The following PLPP4 variants were observed in gnomAD, a reference collection of about 807,000 sequenced individuals.
PLPP4 encodes the protein diacylglycerol pyrophosphate like 2.
Under a neutral mutation model 32.2 loss-of-function variants are expected in PLPP4, and 20 were observed. The ratio of observed to expected loss-of-function variants is 0.62; its 90% CI spans 0.44 to 0.90. The LOEUF (loss-of-function observed/expected upper bound fraction) is 0.90, where lower values mean the gene tolerates loss of function less well. Among genes scored for constraint, PLPP4 ranks in the 40% least tolerant of loss-of-function variants. PLPP4 has a pLI of 0.00. For synonymous variants in PLPP4, 127 were observed against 133.0 expected (o/e 0.95, Z 0.31); for missense variants, 257 against 353.1 (o/e 0.73, Z 2.18).
intron 2 of PLPP4, among the ~76,000 whole-genome samples, chr10:120,511,860 G>A (rs1430584996): frequency 1.3e-4 from 20 of 152,118 alleles, no homozygotes; most frequent in Non-Finnish European, 1.8e-4. Context: ...TTGGGAGGCC[G>A]AGGTGGCGGA....
chr10:120,575,663 C>G (rs1444401774), intron 6 of PLPP4, among the ~76,000 whole-genome samples: 1 of 152,070 alleles, frequency 6.6e-6, no homozygotes, highest in East Asian at 1.9e-4. Context: ...TTTTGGCTTC[C>G]TTTGCTTATC....
intron 2 of PLPP4, among the ~76,000 whole-genome samples, chr10:120,508,482 G>A (rs1483220213): frequency 6.6e-6 from 1 of 152,202 alleles, no homozygotes; most frequent in Non-Finnish European, 1.5e-5. Context: ...CATCGAGGCT[G>A]CTCTGGCTTC....
chr10:120,536,225 C>T lies in PLPP4; in HGVS notation c.445+15130C>T, dbSNP rs142523405. On this transcript the variant is annotated intron_variant, in intron 5 of 6. Transcript: ENST00000398250. Reference sequence around the variant, plus strand: ...AGTTTTGCATGAAAAGACAGAAGACCCCAGATAGGTAAATCAATCTTGAGC... The same window carrying T: ...AGTTTTGCATGAAAAGACAGAAGACTCCAGATAGGTAAATCAATCTTGAGC... Among the ~76,000 whole-genome samples, 461 of 151,840 alleles carry T rather than the reference C, an allele frequency of 3.0e-3. 2 individuals are homozygous for T. The highest frequency in any genetic ancestry group is 0.011 in the African/African-American group (439 of 41,440).
chr10:120,496,773 T>C (rs574120335), intron 1 of PLPP4, among the ~76,000 whole-genome samples: 8 of 152,264 alleles, frequency 5.3e-5, no homozygotes, highest in Admixed American at 3.9e-4. Context: ...CCCTCCTGTG[T>C]CCTTTCTATA....
chr10:120,482,277 G>A (rs969890234), intron 1 of PLPP4, among the ~76,000 whole-genome samples: 2 of 152,160 alleles, frequency 1.3e-5, no homozygotes, highest in African/African-American at 4.8e-5. Flanking sequence ...CTAGAGTCTT[G>A]TTGTATCGTT....
chr10:120,530,626 A>G (rs940101466), intron 5 of PLPP4, among the ~76,000 whole-genome samples: 6 of 152,212 alleles, frequency 3.9e-5, no homozygotes, highest in Admixed American at 1.3e-4. Flanking sequence ...TTTGTGTGCA[A>G]TTGTTTAGTG....
chr10:120,484,782 C>T (rs186076274), intron 1 of PLPP4, among the ~76,000 whole-genome samples: 99 of 152,234 alleles, frequency 6.5e-4, no homozygotes, highest in African/African-American at 1.7e-3. Context: ...AGCCTGTGAA[C>T]GTATAACCTT....
chr10:120,530,311 C>T (rs1846643098), intron 5 of PLPP4, among the ~76,000 whole-genome samples: 2 of 152,144 alleles, frequency 1.3e-5, no homozygotes, highest in Admixed American at 6.5e-5. Context: ...ATGAGGCAGC[C>T]ACTGTTCAGG....
At chr10:120,547,784 G>A (rs1847703530) in intron 5 of PLPP4, among the ~76,000 whole-genome samples, 1 of 152,180 alleles carries the variant, frequency 6.6e-6, no homozygotes, top group African/African-American at 2.4e-5. Flanking sequence ...CATTGGAATA[G>A]TGGGAAGTTC....
chr10:120,543,524 A>G (rs902456928), intron 5 of PLPP4, among the ~76,000 whole-genome samples: 1 of 152,178 alleles, frequency 6.6e-6, no homozygotes, highest in East Asian at 1.9e-4. Context: ...TCAGCTTGTC[A>G]TTTGGCCCTG....
chr10:120,539,740 A>C (rs531083181), intron 5 of PLPP4, among the ~76,000 whole-genome samples: 1 of 152,134 alleles, frequency 6.6e-6, no homozygotes, highest in Non-Finnish European at 1.5e-5. Flanking sequence ...TCAGGCCACA[A>C]GTTGTTCTCT....
At chr10:120,464,798 A>T (rs1265591417) in intron 1 of PLPP4, among the ~76,000 whole-genome samples, 2 of 152,214 alleles carry the variant, frequency 1.3e-5, no homozygotes, top group African/African-American at 4.8e-5. Flanking sequence ...AGCCACATCC[A>T]GGGAGTGCTT....
intron 3 of PLPP4, among the ~76,000 whole-genome samples, chr10:120,518,055 TACGC>T (rs1268442044): frequency 6.6e-6 from 1 of 152,220 alleles, no homozygotes; most frequent in Non-Finnish European, 1.5e-5. Flanking sequence ...CTCTGCCTTT[TACGC>T]ACTCTCGATA....
chr10:120,562,441 C>A (rs368807681), intron 5 of PLPP4, among the ~76,000 whole-genome samples: 1 of 152,128 alleles, frequency 6.6e-6, no homozygotes, highest in East Asian at 1.9e-4. Context: ...GTTCTCTTGT[C>A]TTCTCTAACT....
chr10:120,519,787 C>T (rs889409203), intron 4 of PLPP4, among the ~76,000 whole-genome samples: 4 of 152,136 alleles, frequency 2.6e-5, no homozygotes, highest in East Asian at 1.9e-4. Flanking sequence ...AGAAAGCAAG[C>T]GCTATGTTTC....
intron 5 of PLPP4, among the ~76,000 whole-genome samples, chr10:120,559,112 A>G (rs1055293995): frequency 3.9e-5 from 6 of 152,318 alleles, no homozygotes; most frequent in African/African-American, 4.8e-5. Context: ...GAGCTAGATC[A>G]TTCATTAGTT....
At chr10:120,465,957 A>T (rs1220712839) in intron 1 of PLPP4, among the ~76,000 whole-genome samples, 2 of 151,938 alleles carry the variant, frequency 1.3e-5, no homozygotes, top group Non-Finnish European at 2.9e-5. Context: ...GATATATGGG[A>T]TATTTATCAT....
chr10:120,518,233 C>G (rs1846011742), intron 3 of PLPP4, among the ~76,000 whole-genome samples: 1 of 152,230 alleles, frequency 6.6e-6, no homozygotes, highest in Admixed American at 6.5e-5. Context: ...GAAGTTCTTG[C>G]TGTTTTAGAT....
rs1847020048 is a variant in PLPP4, at chr10:120,536,410, CA to C, written c.445+15318del. Among the ~76,000 whole-genome samples the C allele has an allele frequency of 2.0e-5, 3 of 152,118 alleles. No individual in the cohort carries two copies. The South Asian group carries it at 6.2e-4, about 32-fold the overall frequency. Reference sequence around the variant, plus strand: ...GCATATAGGGTCAACTAATTTTTGACAAAGACTCCAACAACACACCAGAGGG... The same window carrying C: ...GCATATAGGGTCAACTAATTTTTGACAAGACTCCAACAACACACCAGAGGG... On this transcript the variant is annotated intron_variant, in intron 5 of 6. Coordinates refer to ENST00000398250, the MANE Select transcript of PLPP4 (RefSeq NM_001030059.3).
Sources: allele counts gnomAD v4.1 joint callset (sites outside exome capture counted in the v4.1 genomes callset), GRCh38; gene constraint gnomAD v4.1.1; transcripts MANE v1.5; gene names NCBI Gene and HGNC (gene_info 2026-07-23, HGNC 2026-07-21).